The following MORC1 variants were observed in gnomAD, a reference collection of about 807,000 sequenced individuals.
MORC1 encodes the protein MORC family CW-type zinc finger 1, also known as MORC family CW-type zinc finger protein 1.
A neutral mutation model predicts 134.9 loss-of-function variants in MORC1; 59 were observed. That is an observed-to-expected ratio of 0.44 (90% confidence interval 0.35 to 0.54). The LOEUF is 0.54. Among genes scored for constraint, MORC1 ranks in the 20% least tolerant of loss-of-function variants. The probability of loss-of-function intolerance (pLI) is 0.00; values close to 1 mark genes in which losing one functional copy is unlikely to be tolerated. For synonymous variants in MORC1, 395 were observed against 391.7 expected, an observed-to-expected ratio of 1.01 and a Z score of -0.10; for missense variants, 947 against 1,134.5, an observed-to-expected ratio of 0.83 and a Z score of 2.37.
chr3:109,091,442 T>TAAAA (rs1202636038), intron 8 of MORC1, among the ~76,000 whole-genome samples: 6 of 22,372 alleles, frequency 2.7e-4, no homozygotes, highest in African/African-American at 6.1e-4. Context: ...AGACTCCATC[T>TAAAA]AAAAAAATAA....
intron 8 of MORC1, among the ~76,000 whole-genome samples, chr3:109,079,805 CATCAATGGTTTTTAACAAATG>C (rs1160783654): frequency 1.3e-5 from 2 of 151,926 alleles, no homozygotes; most frequent in Non-Finnish European, 2.9e-5. Flanking sequence ...AACAGGCAAA[CATCAATGGTTTTTAACAAATG>C]AATAATTAGA....
chr3:109,056,880 G>C (rs1949974586), intron 13 of MORC1, among the ~76,000 whole-genome samples: 1 of 152,152 alleles, frequency 6.6e-6, no homozygotes. Context: ...GAAAGCACAA[G>C]AATGTATTAC....
chr3:109,044,557 C>CAAA (rs5851634), intron 14 of MORC1, among the ~76,000 whole-genome samples: 1 of 145,174 alleles, frequency 6.9e-6, no homozygotes. Flanking sequence ...GACTCCACCT[C>CAAA]AAAAAAAAAA....
chr3:108,995,915 T>G (rs1188884370), intron 21 of MORC1, among the ~76,000 whole-genome samples: 1 of 152,126 alleles, frequency 6.6e-6, no homozygotes, highest in Non-Finnish European at 1.5e-5. Flanking sequence ...CTCTCATGCC[T>G]GAGTAAAGTG....
At chr3:109,040,511 GAAGA>G (rs1036637231) in intron 14 of MORC1, among the ~76,000 whole-genome samples, 1 of 149,002 alleles carries the variant, frequency 6.7e-6, no homozygotes, top group African/African-American at 2.5e-5. Flanking sequence ...AGGAAGGAAG[GAAGA>G]AAGAAACAAA....
chr3:109,046,127 A>G (rs1397668242), intron 14 of MORC1, among the ~76,000 whole-genome samples: 1 of 152,226 alleles, frequency 6.6e-6, no homozygotes, highest in Non-Finnish European at 1.5e-5. Flanking sequence ...TAGATGTATG[A>G]GGCATAACGC....
chr3:108,981,546 G>A (rs1947721785), intron 23 of MORC1, among the ~76,000 whole-genome samples: 1 of 152,126 alleles, frequency 6.6e-6, no homozygotes, highest in Admixed American at 6.5e-5. Flanking sequence ...ATTCATTCAT[G>A]TTGGCATTGA....
At chr3:109,049,525 G>T (rs556136078) in intron 14 of MORC1, among the ~76,000 whole-genome samples, 4 of 152,210 alleles carry the variant, frequency 2.6e-5, no homozygotes, top group Middle Eastern at 3.4e-3. Flanking sequence ...ACATTAGTTA[G>T]AAGTTAGCAT....
intron 1 of MORC1, among the ~76,000 whole-genome samples, chr3:109,116,178 T>C (rs967063739): frequency 1.3e-5 from 2 of 152,086 alleles, no homozygotes; most frequent in African/African-American, 4.8e-5. Flanking sequence ...GAAACCACTG[T>C]AGTGTTTTAA....
intron 27 of MORC1, 76 bp from the exon 28 acceptor site, chr3:108,959,196 A>G: frequency 7.6e-7 from 1 of 1,308,588 alleles, no homozygotes; most frequent in Non-Finnish European, 1.0e-6. Flanking sequence ...CAGCCTCCTA[A>G]CAGTCTTCCC....
At chr3:109,041,895 G>A (rs1367985453) in intron 14 of MORC1, among the ~76,000 whole-genome samples, 1 of 151,408 alleles carries the variant, frequency 6.6e-6, no homozygotes, top group African/African-American at 2.4e-5. Flanking sequence ...AGTGAGCCGA[G>A]ATTGTGCCAC....
At chr3:108,995,040 C>T (rs1340578744) in intron 21 of MORC1, among the ~76,000 whole-genome samples, 1 of 152,118 alleles carries the variant, frequency 6.6e-6, no homozygotes, top group Admixed American at 6.5e-5. Flanking sequence ...TATAGTAACA[C>T]CTGATCAGAG....
At chr3:109,002,548 T>C (rs1201207455) in intron 20 of MORC1, among the ~76,000 whole-genome samples, 1 of 152,160 alleles carries the variant, frequency 6.6e-6, no homozygotes, top group Non-Finnish European at 1.5e-5. Flanking sequence ...GAGAAAGATA[T>C]TTCTGCACAA....
rs1309902666 is a variant in MORC1, at chr3:108,996,780, G to C, written c.2187+3777C>G. Among the ~76,000 whole-genome samples, 3 of 152,104 alleles carry C rather than the reference G, an allele frequency of 2.0e-5. No individual in the cohort carries two copies. In the East Asian group the frequency reaches 5.8e-4, roughly 29 times the overall value. On this transcript the variant is annotated intron_variant, in intron 21 of 27. Transcript: ENST00000232603. ...AATCCCAGCACTCTGGGAGGCTGAGGCGGGCGGATCATGAGTTGAGGAGAT... is the reference window on the plus strand; with the variant it reads ...AATCCCAGCACTCTGGGAGGCTGAGCCGGGCGGATCATGAGTTGAGGAGAT...
intron 27 of MORC1, 30 bp downstream of exon 27, chr3:108,963,384 C>T: frequency 6.3e-7 from 1 of 1,580,812 alleles, no homozygotes; most frequent in Non-Finnish European, 8.6e-7. Flanking sequence ...GAGTCTACTC[C>T]TACTGCTCAA....
chr3:108,974,718 C>A (rs530714788), intron 24 of MORC1, among the ~76,000 whole-genome samples: 2 of 152,206 alleles, frequency 1.3e-5, no homozygotes, highest in Non-Finnish European at 2.9e-5. Flanking sequence ...CAGAATTTTA[C>A]GCCCAGAGTT....
rs1294921093 is a variant in MORC1, at chr3:109,000,596, C to A, written c.2148G>T (p.Leu716Phe). Residue 716 changes from leucine to phenylalanine, a missense_variant, in exon 21 of 28, where the codon TTG (leucine) becomes TTT (phenylalanine). This residue lies in a region of MORC1 where 722 missense variants were observed against 817.0 expected (regional missense o/e 0.88). Coordinates refer to ENST00000232603, the MANE Select transcript of MORC1 (RefSeq NM_014429.4). ...SLNFVEECKV[L>F]TEDENTSDSD... ...AATCACTCGTGTTCTCATCTTCAGT[C>A]AATACCTTACATTCCTCTACAAAGT... The A allele has an allele frequency of 3.1e-6, 5 of 1,611,372 alleles. No individual in the cohort carries two copies. Among genetic ancestry groups the A allele is most frequent in the Non-Finnish European group, 4.2e-6 (5 of 1,179,010 alleles).
chr3:109,034,390 C>T (rs1559907835), intron 15 of MORC1, among the ~76,000 whole-genome samples: 1 of 152,172 alleles, frequency 6.6e-6, no homozygotes, highest in Non-Finnish European at 1.5e-5. Flanking sequence ...TCTTTAACTC[C>T]CTGCCCCTTT....
intron 6 of MORC1, among the ~76,000 whole-genome samples, 188 bp downstream of exon 6, chr3:109,099,170 G>T (rs1175398941): frequency 6.6e-6 from 1 of 152,198 alleles, no homozygotes; most frequent in Non-Finnish European, 1.5e-5. Flanking sequence ...GAAGTTCTCA[G>T]GAAAGGGTCA....
Sources: allele counts gnomAD v4.1 joint callset (sites outside exome capture counted in the v4.1 genomes callset), GRCh38; gene constraint gnomAD v4.1.1; regional missense constraint gnomAD v4.1.1; transcripts MANE v1.5; gene names NCBI Gene and HGNC (gene_info 2026-07-23, HGNC 2026-07-21).